Variants in ZNF701 observed in about 807,000 individuals in gnomAD.
ZNF701 encodes zinc finger protein 701.
Under a neutral mutation model 7.1 loss-of-function variants are expected in ZNF701, and 6 were observed. That is an observed-to-expected ratio of 0.84 (90% confidence interval 0.46 to 1.66). The LOEUF (loss-of-function observed/expected upper bound fraction) is 1.66, where lower values mean the gene tolerates loss of function less well. Ranked by LOEUF, ZNF701 falls within the 40% of genes most tolerant of loss-of-function variation. The pLI is 0.01. For synonymous variants in ZNF701, 166 were observed against 188.2 expected (o/e 0.88, Z 0.97); for missense variants, 541 against 559.2 (o/e 0.97, Z 0.33).
Position 52,583,141 on chromosome 19 carries a change from A to G in ZNF701, c.1082A>G (p.Lys361Arg). The change falls in exon 4 of 4, where the codon AAG becomes AGG. Residue 361 changes from lysine to arginine, a missense_variant. Coordinates refer to ENST00000391785, the MANE Select transcript of ZNF701 (RefSeq NM_018260.3). ...CCATACAAATGTAAGGTTTGTGACA[A>G]GGCTTTCAGACGTGATTCACACCTG... is the stretch of plus-strand genomic sequence containing the variant. ...EKPYKCKVCD[K>R]AFRRDSHLAQ... 2.5e-6 allele frequency: 4 copies of G among 1,613,878 alleles called. No individual in the cohort carries two copies. The highest frequency in any genetic ancestry group is 3.4e-6 in the Non-Finnish European group (4 of 1,179,848).
At chr19:52,595,498 C>A in the ZNF701 span, 1 of 409,148 alleles carries the variant, frequency 2.4e-6, no homozygotes, top group Non-Finnish European at 4.4e-6. Flanking sequence ...TCTCGAGCTC[C>A]TGACCTTGTG....
At chr19:52,593,835 T>G in the ZNF701 span, among the ~76,000 whole-genome samples, 11 of 95,046 alleles carry the variant, frequency 1.2e-4, 3 homozygotes, top group Non-Finnish European at 2.0e-4. Flanking sequence ...CTTTCCAGAC[T>G]GGACAGCCAG....
In ZNF701 at chr19:52,585,139, C is replaced by T. The variant is rs1417727631; in HGVS notation, c.*1682C>T. ...AAAGTCGCCCTGAGGCTGGTCCCGT[C>T]CCGGTCTTTTCTGCAGTAGGGCCGT... On this transcript the variant is annotated 3_prime_UTR_variant, in exon 4 of 4. Transcript: ENST00000391785. 2 of 152,268 alleles carry T rather than the reference C, an allele frequency of 1.3e-5. No homozygotes were observed. Among genetic ancestry groups the T allele is most frequent in the Non-Finnish European group, 2.9e-5 (2 of 68,100 alleles). 9.4% of individuals were successfully genotyped at this position (152,268 alleles called of 1,614,324 possible). A position where few individuals can be genotyped will look rare whatever the true frequency, so the allele number is the denominator to read the frequency against.
chr19:52,598,939 C>T, the ZNF701 span: 1 of 151,984 alleles, frequency 6.6e-6, no homozygotes, highest in African/African-American at 2.4e-5. Flanking sequence ...AGGTATAAGT[C>T]CTCCTTTAAA....
the ZNF701 span, chr19:52,596,022 T>C: frequency 6.6e-7 from 1 of 1,517,782 alleles, no homozygotes; most frequent in South Asian, 1.1e-5. Flanking sequence ...ATTTGTAGGC[T>C]CAAAACCCAT....
At chr19:52,575,609 C>G in intron 2 of ZNF701, 2 of 355,000 alleles carry the variant, frequency 5.6e-6, no homozygotes, top group South Asian at 2.2e-5. Context: ...AAGCCGTCCT[C>G]CCACCTCAGC....
Position 52,582,672 on chromosome 19 carries a change from A to G in ZNF701, c.613A>G (p.Lys205Glu). ...CCTCCAGTCTTCATTACTCACACAA[A>G]AACGGGAAGTACACACAAGAGAAAA... is the stretch of plus-strand genomic sequence containing the variant. ...NFLQSSLLTQKREVHTREKSF... is the reference protein window; with the variant it reads ...NFLQSSLLTQEREVHTREKSF... Residue 205 changes from lysine to glutamate, a missense_variant, in exon 4 of 4, where the codon AAA becomes GAA. Coordinates refer to ENST00000391785, the MANE Select transcript of ZNF701 (RefSeq NM_018260.3). 1 of 1,614,156 alleles carries G rather than the reference A, an allele frequency of 6.2e-7. No individual in the cohort carries two copies. Among genetic ancestry groups the G allele is most frequent in the Non-Finnish European group, 8.5e-7 (1 of 1,180,010 alleles).
chr19:52,581,733 C>T (rs1469800737), intron 3 of ZNF701, among the ~76,000 whole-genome samples: 1 of 152,218 alleles, frequency 6.6e-6, no homozygotes, highest in African/African-American at 2.4e-5. Flanking sequence ...TTTGACAATA[C>T]AGAAATTCCA....
downstream of ZNF701, chr19:52,587,324 T>G (rs938857341): frequency 2.6e-5 from 4 of 152,922 alleles, no homozygotes; most frequent in East Asian, 3.9e-4. Flanking sequence ...CCCCTCTGAC[T>G]TCATCTCCTG....
chr19:52,580,878 CT>C (rs2059970935), intron 3 of ZNF701, among the ~76,000 whole-genome samples: 2 of 79,524 alleles, frequency 2.5e-5, no homozygotes, highest in Admixed American at 1.3e-4. Flanking sequence ...AATCCCAGGA[CT>C]TCGGGAGGCT....
chr19:52,582,205 C>T lies in ZNF701; in HGVS notation c.146C>T (p.Thr49Ile), dbSNP rs778188589. 12 of 1,574,274 alleles carry T rather than the reference C, an allele frequency of 7.6e-6. No individual in the cohort carries two copies. The highest frequency in any genetic ancestry group is 1.7e-4 in the Middle Eastern group (1 of 5,854). The change falls in exon 4 of 4, where the codon ACC (threonine) becomes ATC (isoleucine). Residue 49 changes from threonine to isoleucine, a missense_variant. Physicochemically the swap from Thr to Ile is moderately conservative, Grantham distance 89 (BLOSUM62 -1). Transcript: ENST00000391785. Reference sequence around the variant, plus strand: ...TATTTGTGTTTATATTTTGTAGATACCTCTTCCAAATGCATGATGAAGATG... The same window carrying T: ...TATTTGTGTTTATATTTTGTAGATATCTCTTCCAAATGCATGATGAAGATG... ...ENYRNLVSLD[T>I]SSKCMMKMFS...
At chr19:52,575,001 G>A (rs1323669004) in intron 2 of ZNF701, among the ~76,000 whole-genome samples, 1 of 151,850 alleles carries the variant, frequency 6.6e-6, no homozygotes, top group Non-Finnish European at 1.5e-5. Context: ...ACGGAGTCTC[G>A]CTCTGTTGCC....
At chr19:52,596,666 ACAT>A in the ZNF701 span, 3,530 of 464,058 alleles carry the variant, frequency 7.6e-3, 32 homozygotes, top group Non-Finnish European at 9.6e-3. Flanking sequence ...GCCTTGCACA[ACAT>A]CAGAGAGTTC....
chr19:52,582,687 A>G lies in ZNF701; in HGVS notation c.628A>G (p.Thr210Ala), dbSNP rs1221501274. ...ACTCACACAAAAACGGGAAGTACAC[A>G]CAAGAGAAAAATCTTTCCAACGTAA... ...SLLTQKREVH[T>A]REKSFQRNES... Residue 210 changes from threonine (T) to alanine (A), a missense_variant, in exon 4 of 4, where the codon ACA (threonine) becomes GCA (alanine). Coordinates refer to ENST00000391785, the MANE Select transcript of ZNF701 (RefSeq NM_018260.3). 1.2e-6 allele frequency: 2 copies of G among 1,614,198 alleles called. No individual in the cohort carries two copies. Among genetic ancestry groups the G allele is most frequent in the South Asian group, 2.2e-5 (2 of 91,084 alleles).
In ZNF701 at chr19:52,582,826, G is replaced by T; in HGVS notation, c.767G>T (p.Arg256Leu). ...DVCGKDFHQK[R>L]YLACHRCHTG... is the part of the protein sequence containing the mutation. ...TGCGGCAAGGACTTTCATCAGAAGC[G>T]ATACCTTGCATGCCATAGATGTCAC... Residue 256 changes from arginine (R) to leucine (L), a missense_variant, in exon 4 of 4, where the codon CGA becomes CTA. By Grantham distance (102) the Arg-to-Leu change is moderately radical. Transcript: ENST00000391785. 2.5e-6 allele frequency: 4 copies of T among 1,614,132 alleles called. No individual in the cohort carries two copies. The highest frequency in any genetic ancestry group is 3.4e-6 in the Non-Finnish European group (4 of 1,180,028).
intron 1 of ZNF701, chr19:52,572,678 T>C (rs1568499965): frequency 5.7e-6 from 2 of 349,246 alleles, no homozygotes; most frequent in South Asian, 2.2e-5. Context: ...AAGCAGATCA[T>C]GTCAGTCCCT....
At chr19:52,574,198 T>C (rs779985601) in intron 2 of ZNF701, 36 bp downstream of exon 2, 1 of 1,602,742 alleles carries the variant, frequency 6.2e-7, no homozygotes, top group Admixed American at 1.7e-5. Flanking sequence ...TTCTGTCTCC[T>C]TCCTTTCAGA....
chr19:52,576,222 G>T (rs549631658), intron 3 of ZNF701, among the ~76,000 whole-genome samples: 1 of 152,226 alleles, frequency 6.6e-6, no homozygotes, highest in South Asian at 2.1e-4. Flanking sequence ...GCTCAGTGGG[G>T]GTTCCAGAAG....
the ZNF701 span, chr19:52,598,987 G>T: frequency 6.6e-6 from 1 of 151,800 alleles, no homozygotes; most frequent in African/African-American, 2.4e-5. Context: ...TTGTCTCTTA[G>T]AACATTCAAT....
Sources: gnomAD v4.1 joint callset for allele counts (sites outside exome capture counted in the v4.1 genomes callset) on GRCh38, gnomAD v4.1.1 for gene constraint, MANE v1.5 for transcripts, NCBI Gene and HGNC (gene_info 2026-07-23, HGNC 2026-07-21) for gene names.